Variants in GPRC5A observed in about 807,000 individuals in gnomAD.
GPRC5A encodes retinoic acid-induced protein 3.
Under a neutral mutation model 22.5 loss-of-function variants are expected in GPRC5A, and 19 were observed. The observed-to-expected ratio is 0.85, with a 90% CI of 0.59 to 1.24. The LOEUF (loss-of-function observed/expected upper bound fraction) is 1.24. Among genes scored for constraint, GPRC5A ranks in the 50% most tolerant of loss-of-function variants. The probability of loss-of-function intolerance (pLI) is 0.00; values close to 1 mark genes in which losing one functional copy is unlikely to be tolerated. For missense variants in GPRC5A, 471 were observed against 451.1 expected, an observed-to-expected ratio of 1.04 and a Z score of -0.40; for synonymous variants, 192 against 184.5, an observed-to-expected ratio of 1.04 and a Z score of -0.33.
chr12:12,899,335 G>T (rs1010797366), intron 1 of GPRC5A, among the ~76,000 whole-genome samples: 1 of 152,120 alleles, frequency 6.6e-6, no homozygotes, highest in South Asian at 2.1e-4. Context: ...TACTGCCCCC[G>T]GCCAGGGTTG....
chr12:12,892,578 G>A (rs1226440295), intron 1 of GPRC5A, among the ~76,000 whole-genome samples: 2 of 152,096 alleles, frequency 1.3e-5, no homozygotes, highest in African/African-American at 4.8e-5. Flanking sequence ...TGTTGGTCAG[G>A]TTGGTCTCAA....
At chr12:12,907,997 AT>A (rs1183897360) in intron 1 of GPRC5A, among the ~76,000 whole-genome samples, 1 of 152,194 alleles carries the variant, frequency 6.6e-6, no homozygotes, top group Non-Finnish European at 1.5e-5. Flanking sequence ...TTTAAGGTAA[AT>A]ATTAATATAG....
chr12:12,897,141 C>T (rs763915826), intron 1 of GPRC5A, among the ~76,000 whole-genome samples: 16 of 147,028 alleles, frequency 1.1e-4, no homozygotes, highest in African/African-American at 2.3e-4. Context: ...GCACAAGAAT[C>T]GCTTTAACCT....
Position 12,915,954 on chromosome 12 carries a change from G to A in GPRC5A, c.*3415G>A, listed in dbSNP as rs1202318242. 1 of 477,244 alleles carries A rather than the reference G, an allele frequency of 2.1e-6. No individual in the cohort carries two copies. The highest frequency in any genetic ancestry group is 4.4e-6 in the Non-Finnish European group (1 of 227,812). The allele number at this position is 477,244 out of a possible 1,614,324, so 29.6% of individuals were successfully genotyped here. The stretch of plus-strand genomic sequence containing the variant: ...AGTACCTGTCACCCCTCCTCCCACT[G>A]CTGCGGCTGTTAACTCATCTTCAGG... On this transcript the variant is annotated 3_prime_UTR_variant, in exon 4 of 4. Transcript: ENST00000014914.
chr12:12,911,080 C>G (rs1051540944), intron 2 of GPRC5A, among the ~76,000 whole-genome samples: 2 of 152,094 alleles, frequency 1.3e-5, no homozygotes, highest in Non-Finnish European at 2.9e-5. Flanking sequence ...ACCATCTTGG[C>G]CAGGCTGGTC....
Position 12,915,809 on chromosome 12 carries a change from C to G in GPRC5A, c.*3270C>G, listed in dbSNP as rs772380867. 2.0e-6 allele frequency: 1 copy of G among 510,822 alleles called. No homozygotes were observed. The highest frequency in any genetic ancestry group is 5.7e-5 in the East Asian group (1 of 17,530). 31.6% of individuals were successfully genotyped at this position (510,822 alleles called of 1,614,324 possible). On this transcript the variant is annotated 3_prime_UTR_variant, in exon 4 of 4. Transcript: ENST00000014914. ...GGGATTACAGGCATGAGCCACCGCG[C>G]CCGGCCCCGTTGTTTCCCTTCTAAG...
chr12:12,915,825 C>T lies in GPRC5A; in HGVS notation c.*3286C>T. 1.9e-6 allele frequency: 1 copy of T among 517,748 alleles called. No individual in the cohort carries two copies. Among genetic ancestry groups the T allele is most frequent in the Non-Finnish European group, 4.0e-6 (1 of 249,150 alleles). 32.1% of individuals were successfully genotyped at this position (517,748 alleles called of 1,614,324 possible). A position where few individuals can be genotyped will look rare whatever the true frequency, so the allele number is the denominator to read the frequency against. On this transcript the variant is annotated 3_prime_UTR_variant, in exon 4 of 4. Coordinates refer to ENST00000014914, the MANE Select transcript of GPRC5A (RefSeq NM_003979.4). ...GCCACCGCGCCCGGCCCCGTTGTTT[C>T]CCTTCTAAGAAACGCAGTGGTCTCT... is the stretch of plus-strand genomic sequence containing the variant.
chr12:12,907,401 A>C (rs1863953614), intron 1 of GPRC5A, among the ~76,000 whole-genome samples: 1 of 61,260 alleles, frequency 1.6e-5, no homozygotes, highest in Non-Finnish European at 3.2e-5. Flanking sequence ...ACTCTGTCTC[A>C]AAAAAAAAAA....
intron 1 of GPRC5A, among the ~76,000 whole-genome samples, chr12:12,907,137 C>T (rs1177814750): frequency 6.6e-6 from 1 of 151,642 alleles, no homozygotes; most frequent in East Asian, 1.9e-4. Context: ...AAGAAGAGGA[C>T]CCAGCCGCTG....
Position 12,915,771 on chromosome 12 carries a change from C to T in GPRC5A, c.*3232C>T. 5 of 448,214 alleles carry T rather than the reference C, an allele frequency of 1.1e-5. No individual in the cohort carries two copies. Among genetic ancestry groups the T allele is most frequent in the Non-Finnish European group, 2.4e-5 (5 of 211,522 alleles). The allele number at this position is 448,214 out of a possible 1,614,324, so 27.8% of individuals were successfully genotyped here. On this transcript the variant is annotated 3_prime_UTR_variant, in exon 4 of 4. Coordinates refer to ENST00000014914, the MANE Select transcript of GPRC5A (RefSeq NM_003979.4). ...TCTGAAAGTGCTGGGATACCGTGGC[C>T]TCTGAAAGTGCTGGGATTACAGGCA...
At chr12:12,905,903 C>T (rs1171081157) in intron 1 of GPRC5A, among the ~76,000 whole-genome samples, 4 of 152,138 alleles carry the variant, frequency 2.6e-5, no homozygotes, top group South Asian at 2.1e-4. Context: ...GTGGATGGTC[C>T]GTTACCTGGG....
chr12:12,901,761 TCAA>T (rs75087133), intron 1 of GPRC5A, among the ~76,000 whole-genome samples: 1 of 65,882 alleles, frequency 1.5e-5, no homozygotes, highest in African/African-American at 8.3e-5. Context: ...GACTTGGGCA[TCAA>T]AAAAAAAAAA....
At position 12,915,853 on chromosome 12, in the gene GPRC5A, A is replaced by G; in HGVS notation, c.*3314A>G. 1.9e-6 allele frequency: 1 copy of G among 525,894 alleles called. No homozygotes were observed. Among genetic ancestry groups the G allele is most frequent in the Non-Finnish European group, 3.9e-6 (1 of 254,952 alleles). 32.6% of individuals were successfully genotyped at this position (525,894 alleles called of 1,614,324 possible). A position where few individuals can be genotyped will look rare whatever the true frequency, so the allele number is the denominator to read the frequency against. Reference sequence around the variant, plus strand: ...TTCTAAGAAACGCAGTGGTCTCTGAAGCCTGCAGGGGCAGGCCAGCCCTGC... The same window carrying G: ...TTCTAAGAAACGCAGTGGTCTCTGAGGCCTGCAGGGGCAGGCCAGCCCTGC... On this transcript the variant is annotated 3_prime_UTR_variant, in exon 4 of 4. Coordinates refer to ENST00000014914, the MANE Select transcript of GPRC5A (RefSeq NM_003979.4).
chr12:12,912,055 G>C, intron 2 of GPRC5A, 29 bp from the exon 3 acceptor site: 1 of 1,566,656 alleles, frequency 6.4e-7, no homozygotes, highest in Non-Finnish European at 8.8e-7. Context: ...GGCCCCAGTG[G>C]TTTAATTTCT....
At chr12:12,900,975 T>G (rs10845667) in intron 1 of GPRC5A, among the ~76,000 whole-genome samples, 17,689 of 150,748 alleles carry the variant, frequency 0.12, 1,183 homozygotes, top group African/African-American at 0.16. Context: ...AAAAACCCCT[T>G]TCTTTCATGC....
chr12:12,907,414 A>AAAAAAAAAG (rs1174781334), intron 1 of GPRC5A, among the ~76,000 whole-genome samples: 16 of 150,882 alleles, frequency 1.1e-4, no homozygotes, highest in East Asian at 3.9e-4. Context: ...AAAAAAAAAA[A>AAAAAAAAAG]AGAGAGAGAA....
intron 1 of GPRC5A, among the ~76,000 whole-genome samples, chr12:12,899,696 G>A (rs1259162308): frequency 6.6e-6 from 1 of 152,178 alleles, no homozygotes; most frequent in African/African-American, 2.4e-5. Context: ...GACAGTAGCT[G>A]TCATTATTCT....
intron 1 of GPRC5A, among the ~76,000 whole-genome samples, chr12:12,905,184 A>C (rs182601740): frequency 3.3e-5 from 5 of 152,236 alleles, no homozygotes; most frequent in Admixed American, 3.3e-4. Context: ...CCCGGCCAAG[A>C]AGGTTGTTTT....
At chr12:12,904,947 A>T (rs992209372) in intron 1 of GPRC5A, among the ~76,000 whole-genome samples, 1 of 145,904 alleles carries the variant, frequency 6.9e-6, no homozygotes, top group African/African-American at 2.6e-5. Flanking sequence ...GTGCAGTGGC[A>T]TGATCCCCGC....
Sources: allele counts gnomAD v4.1 joint callset (sites outside exome capture counted in the v4.1 genomes callset), GRCh38; gene constraint gnomAD v4.1.1; transcripts MANE v1.5; gene names NCBI Gene and HGNC (gene_info 2026-07-23, HGNC 2026-07-21).